The following FBXO34 variants were observed in gnomAD, a reference collection of about 807,000 sequenced individuals.
FBXO34 encodes F-box protein 34.
In FBXO34, 12 loss-of-function variants were observed where a neutral mutation model predicts 24.5. The observed-to-expected ratio is 0.49, with a 90% CI of 0.31 to 0.79. The LOEUF (loss-of-function observed/expected upper bound fraction) is 0.79, where lower values mean the gene tolerates loss of function less well. Among genes scored for constraint, FBXO34 ranks in the 30% least tolerant of loss-of-function variants. FBXO34 has a pLI of 0.04. For synonymous variants in FBXO34, 320 were observed against 311.9 expected (o/e 1.03, Z -0.27); for missense variants, 823 against 857.7 (o/e 0.96, Z 0.51).
intron 1 of FBXO34, among the ~76,000 whole-genome samples, chr14:55,296,390 T>TTTTTTTTTTTTTC (rs1882127133): frequency 8.1e-6 from 1 of 123,214 alleles, no homozygotes; most frequent in Non-Finnish European, 1.7e-5. Context: ...GTGTTTTTTT[T>TTTTTTTTTTTTTC]GTTTTTTTTT....
Position 55,311,967 on chromosome 14 carries a change from T to C in FBXO34, c.-10-38414T>C, listed in dbSNP as rs529679531. Among the ~76,000 whole-genome samples the C allele has an allele frequency of 3.9e-5, 6 of 152,258 alleles. 1 individual carries two copies. The highest frequency in any genetic ancestry group is 1.2e-4 in the African/African-American group (5 of 41,566). ...TGTAATCCCCAGCACTTTGGGAGGC[T>C]GAGGCAGGCAGATCACGAGGTAAGG... On this transcript the variant is annotated intron_variant, in intron 1 of 1. Coordinates refer to ENST00000313833, the MANE Select transcript of FBXO34 (RefSeq NM_017943.4).
intron 1 of FBXO34, among the ~76,000 whole-genome samples, chr14:55,293,761 C>T (rs1433434399): frequency 2.6e-5 from 4 of 151,814 alleles, no homozygotes; most frequent in Non-Finnish European, 4.4e-5. Flanking sequence ...ATCCTTAGCA[C>T]GGAAAGTGGG....
intron 1 of FBXO34, among the ~76,000 whole-genome samples, chr14:55,313,329 C>T (rs746538230): frequency 6.6e-6 from 1 of 152,162 alleles, no homozygotes; most frequent in Non-Finnish European, 1.5e-5. Context: ...TTGACCATAT[C>T]ACTATCAGCA....
At chr14:55,330,548 CGGA>C (rs1396319510) in intron 1 of FBXO34, among the ~76,000 whole-genome samples, 5 of 151,918 alleles carry the variant, frequency 3.3e-5, no homozygotes, top group African/African-American at 1.2e-4. Context: ...CTCTGGGAGG[CGGA>C]GGTGGGAGGA....
At chr14:55,380,202 T>C in the FBXO34 span, among the ~76,000 whole-genome samples, 1 of 151,996 alleles carries the variant, frequency 6.6e-6, no homozygotes, top group African/African-American at 2.4e-5. Flanking sequence ...GAGCAGAGAT[T>C]GCGCCACTGC....
At chr14:55,417,330 A>G in the FBXO34 span, among the ~76,000 whole-genome samples, 1 of 152,020 alleles carries the variant, frequency 6.6e-6, no homozygotes, top group Non-Finnish European at 1.5e-5. Context: ...ACATTTCCTC[A>G]CTAAAATATT....
rs1462947429 is a variant in FBXO34 at position 55,323,204 on chromosome 14, A to T, written c.-10-27177A>T. On this transcript the variant is annotated intron_variant, in intron 1 of 1. Transcript: ENST00000313833. ...TGTCTCAAAAAAAAAAAAAAAAAAA[A>T]AAAAAAAAAAAAAAATATATATTTT... 1.8e-3 allele frequency among the ~76,000 whole-genome samples: 45 copies of T among 24,850 alleles called. 6 individuals carry two copies. The highest frequency in any genetic ancestry group is 0.014 in the African/African-American group (27 of 1,978). The allele number at this position is 24,850 out of a possible 152,430, so 16.3% of individuals were successfully genotyped here. A position where few individuals can be genotyped will look rare whatever the true frequency, so the allele number is the denominator to read the frequency against.
At chr14:55,321,438 C>A (rs986128690) in intron 1 of FBXO34, among the ~76,000 whole-genome samples, 4 of 151,728 alleles carry the variant, frequency 2.6e-5, no homozygotes, top group African/African-American at 4.8e-5. Context: ...ACAGGGTCTC[C>A]CTCTGTTGCT....
chr14:55,312,848 A>G (rs1406481679), intron 1 of FBXO34, among the ~76,000 whole-genome samples: 1 of 152,286 alleles, frequency 6.6e-6, no homozygotes, highest in East Asian at 1.9e-4. Context: ...CAGGCCTGTG[A>G]TGGGATGGGG....
At chr14:55,429,909 A>G in the FBXO34 span, among the ~76,000 whole-genome samples, 6 of 152,052 alleles carry the variant, frequency 3.9e-5, no homozygotes, top group Non-Finnish European at 2.9e-5. Context: ...TTTATTGGAC[A>G]CACTGTCCAA....
chr14:55,349,599 A>G (rs1478212696), intron 1 of FBXO34, among the ~76,000 whole-genome samples: 1 of 124,148 alleles, frequency 8.1e-6, no homozygotes, highest in East Asian at 2.4e-4. Context: ...TTAGGAAGCA[A>G]TAATTTTCTT....
At chr14:55,278,884 G>A (rs968388067) in intron 1 of FBXO34, among the ~76,000 whole-genome samples, 1 of 152,128 alleles carries the variant, frequency 6.6e-6, no homozygotes, top group Non-Finnish European at 1.5e-5. Flanking sequence ...ATGAGGTCTC[G>A]CCATGTTGCC....
At chr14:55,331,655 T>C (rs1174871975) in intron 1 of FBXO34, among the ~76,000 whole-genome samples, 1 of 108,438 alleles carries the variant, frequency 9.2e-6, no homozygotes, top group Non-Finnish European at 1.9e-5. Flanking sequence ...AATATATATA[T>C]ACCAACATGG....
chr14:55,312,652 C>G (rs1275487826), intron 1 of FBXO34, among the ~76,000 whole-genome samples: 2 of 152,232 alleles, frequency 1.3e-5, no homozygotes, highest in Non-Finnish European at 2.9e-5. Flanking sequence ...CTTTCGTGCA[C>G]CTGCAGGCCC....
chr14:55,440,549 T>C, the FBXO34 span: 1 of 1,596,680 alleles, frequency 6.3e-7, no homozygotes, highest in Non-Finnish European at 8.5e-7. Flanking sequence ...AGGCCATTTA[T>C]GAGCCTGGGG....
the FBXO34 span, chr14:55,377,805 A>G: frequency 6.5e-7 from 1 of 1,548,084 alleles, no homozygotes; most frequent in South Asian, 1.2e-5. Flanking sequence ...GAAAAGCAAC[A>G]AATATCTTCT....
At chr14:55,333,186 T>C (rs1216828354) in intron 1 of FBXO34, among the ~76,000 whole-genome samples, 3 of 152,174 alleles carry the variant, frequency 2.0e-5, no homozygotes, top group African/African-American at 7.2e-5. Flanking sequence ...ATGATTACTG[T>C]TCTTTATTTG....
chr14:55,376,803 T>C, the FBXO34 span, among the ~76,000 whole-genome samples: 1 of 152,152 alleles, frequency 6.6e-6, no homozygotes, highest in Non-Finnish European at 1.5e-5. Context: ...CAGAAATGTA[T>C]GGACAGACTG....
chr14:55,433,194 T>G, the FBXO34 span, among the ~76,000 whole-genome samples: 1 of 152,030 alleles, frequency 6.6e-6, no homozygotes, highest in Admixed American at 6.6e-5. Context: ...AGTGGTATGA[T>G]CATAGCTCAT....
Sources: allele counts gnomAD v4.1 joint callset (sites outside exome capture counted in the v4.1 genomes callset), GRCh38; gene constraint gnomAD v4.1.1; transcripts MANE v1.5; gene names NCBI Gene and HGNC (gene_info 2026-07-23, HGNC 2026-07-21).